Variants in FAM184A observed in about 807,000 individuals in gnomAD.
The protein encoded by FAM184A is family with sequence similarity 184 member A, also known as protein FAM184A.
A neutral mutation model predicts 143.8 loss-of-function variants in FAM184A; 99 were observed. The ratio of observed to expected loss-of-function variants is 0.69; its 90% CI spans 0.58 to 0.81. The LOEUF (loss-of-function observed/expected upper bound fraction) is 0.81. FAM184A is among the 40% of genes least tolerant of loss of function. The probability of loss-of-function intolerance (pLI) is 0.00; values close to 1 mark genes in which losing one functional copy is unlikely to be tolerated. For synonymous variants in FAM184A, 427 were observed against 446.4 expected (o/e 0.96, Z 0.55); for missense variants, 1,217 against 1,310.5 (o/e 0.93, Z 1.10).
intron 1 of FAM184A, among the ~76,000 whole-genome samples, chr6:119,133,408 C>T (rs1320991086): frequency 1.3e-5 from 2 of 152,030 alleles, no homozygotes; most frequent in African/African-American, 4.8e-5. Flanking sequence ...AGGGAGTGTT[C>T]TTGTTGTTAG....
intron 7 of FAM184A, chr6:119,005,897 G>C (rs574692647): frequency 3.8e-6 from 2 of 520,908 alleles, no homozygotes; most frequent in Admixed American, 3.0e-5. Flanking sequence ...TGCTGTATAT[G>C]AGAGTTCTAC....
intron 9 of FAM184A, among the ~76,000 whole-genome samples, chr6:118,987,918 T>C (rs1217445699): frequency 6.6e-6 from 1 of 152,210 alleles, no homozygotes; most frequent in Non-Finnish European, 1.5e-5. Context: ...AATGAATGAC[T>C]GAAAGTTAGA....
chr6:119,100,673 T>C (rs1201476449), intron 1 of FAM184A, among the ~76,000 whole-genome samples: 1 of 151,998 alleles, frequency 6.6e-6, no homozygotes, highest in Non-Finnish European at 1.5e-5. Flanking sequence ...AAAAATACTC[T>C]AGGCTGGATG....
chr6:119,061,525 A>ATTTTTTT (rs1476201793), intron 1 of FAM184A, among the ~76,000 whole-genome samples: 13 of 51,596 alleles, frequency 2.5e-4, no homozygotes, highest in Non-Finnish European at 3.8e-4. Flanking sequence ...CTGGCTAATT[A>ATTTTTTT]TTTTTCTTTT....
At chr6:118,966,470 G>T (rs1457855279) in intron 15 of FAM184A, among the ~76,000 whole-genome samples, 1 of 152,136 alleles carries the variant, frequency 6.6e-6, no homozygotes, top group Non-Finnish European at 1.5e-5. Context: ...ACAGGCTAAT[G>T]CATGAATGTG....
intron 1 of FAM184A, among the ~76,000 whole-genome samples, chr6:119,146,146 T>C (rs1772418273): frequency 6.6e-6 from 1 of 152,132 alleles, no homozygotes; most frequent in Non-Finnish European, 1.5e-5. Context: ...GACTTTTCAT[T>C]TTCAATAGTG....
At chr6:119,103,366 A>G (rs1788694698) in intron 1 of FAM184A, among the ~76,000 whole-genome samples, 1 of 152,184 alleles carries the variant, frequency 6.6e-6, no homozygotes, top group Non-Finnish European at 1.5e-5. Flanking sequence ...TGAGTTAACA[A>G]ATTTCTATTA....
upstream of FAM184A, among the ~76,000 whole-genome samples, chr6:119,082,879 G>A (rs571816951): frequency 3.9e-5 from 6 of 152,342 alleles, no homozygotes; most frequent in Admixed American, 3.3e-4. Context: ...CCCCAGTGGG[G>A]ACTCTGTGTA....
rs778509024 is a variant in FAM184A at position 118,980,321 on chromosome 6, T to C, written c.2118A>G (p.Ile706Met). The C allele has an allele frequency of 7.4e-6, 12 of 1,613,804 alleles. No individual in the cohort carries two copies. Among genetic ancestry groups the C allele is most frequent in the African/African-American group, 1.3e-5 (1 of 74,916 alleles). ...AAGAAGTCTGAGACTGGGAAAGCTG[T>C]ATCTCCAGATTCTGTTTCAGCAAGG... The part of the protein sequence containing the change: ...QISLLKQNLE[I>M]QLSQSQTSLQ... The change falls in exon 10 of 18, where the codon ATA (isoleucine) becomes ATG (methionine). Residue 706 changes from isoleucine (I) to methionine (M), a missense_variant. By Grantham distance (10) the Ile-to-Met change is conservative. Coordinates refer to ENST00000338891, the MANE Select transcript of FAM184A (RefSeq NM_024581.6).
At chr6:118,985,661 A>T (rs541333842) in intron 9 of FAM184A, among the ~76,000 whole-genome samples, 1 of 152,292 alleles carries the variant, frequency 6.6e-6, no homozygotes, top group African/African-American at 2.4e-5. Flanking sequence ...GGGTTTATTC[A>T]GGGATTAAAT....
At chr6:119,142,019 T>C (rs1373433050) in intron 1 of FAM184A, among the ~76,000 whole-genome samples, 1 of 152,248 alleles carries the variant, frequency 6.6e-6, no homozygotes, top group Non-Finnish European at 1.5e-5. Flanking sequence ...TTTCATATGT[T>C]TGAGAATGGT....
At chr6:118,968,490 T>C (rs1783569002) in intron 14 of FAM184A, among the ~76,000 whole-genome samples, 1 of 152,228 alleles carries the variant, frequency 6.6e-6, no homozygotes, top group African/African-American at 2.4e-5. Flanking sequence ...TAAAGTGACC[T>C]TGCATTTTAT....
chr6:119,103,756 A>G (rs1368096767), intron 1 of FAM184A, among the ~76,000 whole-genome samples: 2 of 151,906 alleles, frequency 1.3e-5, no homozygotes, highest in Non-Finnish European at 2.9e-5. Context: ...GTGAAACCCC[A>G]TCTCTACTAA....
At chr6:119,137,500 G>C (rs951371928) in intron 1 of FAM184A, among the ~76,000 whole-genome samples, 2 of 152,096 alleles carry the variant, frequency 1.3e-5, no homozygotes, top group Non-Finnish European at 2.9e-5. Context: ...ACCTTCTAAA[G>C]ACCTTATTTC....
chr6:119,116,555 A>T (rs1789068489), intron 1 of FAM184A, among the ~76,000 whole-genome samples: 1 of 152,224 alleles, frequency 6.6e-6, no homozygotes, highest in African/African-American at 2.4e-5. Context: ...GACATAAAAA[A>T]TAGACTCAGG....
intron 1 of FAM184A, among the ~76,000 whole-genome samples, chr6:119,077,546 T>C (rs1313040785): frequency 6.6e-6 from 1 of 152,232 alleles, no homozygotes; most frequent in African/African-American, 2.4e-5. Context: ...AAAATTATCC[T>C]TCGACAGACA....
intron 9 of FAM184A, among the ~76,000 whole-genome samples, chr6:118,999,822 G>A (rs1452895429): frequency 1.3e-5 from 2 of 152,182 alleles, no homozygotes; most frequent in Admixed American, 1.3e-4. Context: ...GTGCTGGTAA[G>A]AGAGGTGCAC....
chr6:119,124,403 C>G (rs1386522861), intron 1 of FAM184A, among the ~76,000 whole-genome samples: 1 of 152,130 alleles, frequency 6.6e-6, no homozygotes, highest in African/African-American at 2.4e-5. Context: ...TATAAGGCAT[C>G]TCTTAAATGT....
intron 1 of FAM184A, among the ~76,000 whole-genome samples, chr6:119,137,516 A>G (rs965586147): frequency 5.9e-5 from 9 of 152,344 alleles, no homozygotes; most frequent in African/African-American, 1.9e-4. Context: ...ATTTCCAAAT[A>G]CAGTCACATT....
Sources: allele counts gnomAD v4.1 joint callset (sites outside exome capture counted in the v4.1 genomes callset), GRCh38; gene constraint gnomAD v4.1.1; transcripts MANE v1.5; gene names NCBI Gene and HGNC (gene_info 2026-07-23, HGNC 2026-07-21).